The following SRPK2 variants were observed in gnomAD, a reference collection of about 807,000 sequenced individuals.
SRPK2 encodes SFRS protein kinase 2.
SRPK2 carries 21 observed loss-of-function variants against 90.8 expected under a neutral mutation model. The observed-to-expected ratio is 0.23, with a 90% CI of 0.16 to 0.33. The LOEUF is 0.33. Ranked by LOEUF, SRPK2 falls within the 10% of genes least tolerant of loss-of-function variation. SRPK2 has a pLI of 1.00. For missense variants in SRPK2, 620 were observed against 869.0 expected, an observed-to-expected ratio of 0.71 and a Z score of 3.60; for synonymous variants, 288 against 311.1, an observed-to-expected ratio of 0.93 and a Z score of 0.78.
chr7:105,177,144 C>T (rs769273600), intron 3 of SRPK2, among the ~76,000 whole-genome samples: 5 of 151,760 alleles, frequency 3.3e-5, no homozygotes, highest in Non-Finnish European at 7.4e-5. Context: ...AAAAAAAACA[C>T]ATAAAAAAGA....
intron 2 of SRPK2, among the ~76,000 whole-genome samples, chr7:105,260,362 T>A (rs1299876244): frequency 1.5e-4 from 23 of 152,174 alleles, no homozygotes; most frequent in Admixed American, 1.5e-3. Context: ...AGAATGGTGA[T>A]CATTAAAAAG....
intron 2 of SRPK2, among the ~76,000 whole-genome samples, chr7:105,387,786 T>C (rs367732914): frequency 6.6e-6 from 1 of 151,914 alleles, no homozygotes; most frequent in Non-Finnish European, 1.5e-5. Context: ...TCAAAAAAAT[T>C]AGGAGAGAGG....
intron 2 of SRPK2, among the ~76,000 whole-genome samples, chr7:105,327,251 A>C (rs1813702567): frequency 6.6e-6 from 1 of 152,154 alleles, no homozygotes; most frequent in Non-Finnish European, 1.5e-5. Context: ...GGAATATTTC[A>C]TGACACCTAA....
intron 2 of SRPK2, among the ~76,000 whole-genome samples, chr7:105,372,138 A>T (rs1233736224): frequency 6.6e-4 from 26 of 39,206 alleles, no homozygotes; most frequent in African/African-American, 1.8e-3. Context: ...CCAACTCATA[A>T]AAAAAAAAAA....
intron 3 of SRPK2, among the ~76,000 whole-genome samples, chr7:105,178,079 A>G (rs561000272): frequency 7.2e-5 from 11 of 152,202 alleles, no homozygotes; most frequent in Admixed American, 3.9e-4. Context: ...AAGATTTGAC[A>G]GTCACATTCC....
chr7:105,323,288 T>C (rs1813149975), intron 2 of SRPK2, among the ~76,000 whole-genome samples: 2 of 152,182 alleles, frequency 1.3e-5, no homozygotes, highest in African/African-American at 4.8e-5. Context: ...GAGAAAAGTA[T>C]ACACTAAAAC....
intron 2 of SRPK2, among the ~76,000 whole-genome samples, chr7:105,373,655 G>A (rs554820005): frequency 1.3e-4 from 20 of 152,028 alleles, no homozygotes; most frequent in Admixed American, 1.1e-3. Context: ...CGCTCGCTTC[G>A]GCCTCCCAAA....
intron 2 of SRPK2, among the ~76,000 whole-genome samples, chr7:105,217,536 C>T (rs186067118): frequency 2.6e-5 from 4 of 152,196 alleles, no homozygotes; most frequent in Non-Finnish European, 4.4e-5. Context: ...CCTGACAGAG[C>T]AGGACTAAAG....
intron 2 of SRPK2, among the ~76,000 whole-genome samples, chr7:105,208,510 G>A (rs1796473003): frequency 6.6e-6 from 1 of 152,162 alleles, no homozygotes; most frequent in African/African-American, 2.4e-5. Flanking sequence ...AAAACCTTAT[G>A]CTGGGTGACA....
At chr7:105,391,183 AATTTATTT>A (rs67760645), upstream of SRPK2, among the ~76,000 whole-genome samples, 698 of 148,404 alleles carry the variant, frequency 4.7e-3, 13 homozygotes, top group East Asian at 0.056. Flanking sequence ...ATGACTATAA[AATTTATTT>A]ATTTATTTAT....
chr7:105,338,566 G>A (rs1247199724), intron 2 of SRPK2, among the ~76,000 whole-genome samples: 1 of 152,154 alleles, frequency 6.6e-6, no homozygotes, highest in Non-Finnish European at 1.5e-5. Context: ...AGATTTTTAA[G>A]ATAATATGAA....
At chr7:105,231,418 T>C (rs888877065) in intron 2 of SRPK2, among the ~76,000 whole-genome samples, 1 of 152,188 alleles carries the variant, frequency 6.6e-6, no homozygotes, top group Non-Finnish European at 1.5e-5. Context: ...TATATTCCTC[T>C]AGGTACACAC....
intron 6 of SRPK2, among the ~76,000 whole-genome samples, chr7:105,165,315 A>C (rs539580691): frequency 1.3e-5 from 2 of 152,324 alleles, no homozygotes; most frequent in East Asian, 3.9e-4. Context: ...AAAGAAAGGA[A>C]AGTCAAGGGA....
In SRPK2 at chr7:105,168,092, C is replaced by T. The variant is rs56666353; in HGVS notation, c.342G>A (p.Gly114=). The part of the protein sequence containing the change: ...STVWLCWDMQ[G]KRFVAMKVVK... ...CAACTTTCATTGCAACAAATCTTTT[C>T]CCCCTAAAAGAAAAAACAAAAAAAG... Residue 114 remains glycine, a synonymous_variant, in exon 5 of 16, where the codon GGG becomes GGA. Coordinates refer to ENST00000393651, the MANE Select transcript of SRPK2 (RefSeq NM_182692.3). The T allele has an allele frequency of 2.9e-3, 4,671 of 1,609,058 alleles. 133 individuals carry two copies. The East Asian group carries it at 0.062, about 21-fold the overall frequency.
chr7:105,243,919 A>T (rs1363374789), intron 2 of SRPK2, among the ~76,000 whole-genome samples: 1 of 152,198 alleles, frequency 6.6e-6, no homozygotes, highest in Non-Finnish European at 1.5e-5. Flanking sequence ...AATAAAATGG[A>T]AGAGAAACAG....
chr7:105,389,966 A>G (rs949622683), upstream of SRPK2, among the ~76,000 whole-genome samples: 2 of 152,200 alleles, frequency 1.3e-5, no homozygotes, highest in African/African-American at 4.8e-5. Context: ...AACTTTTTAT[A>G]TTCAAAAAAA....
intron 2 of SRPK2, among the ~76,000 whole-genome samples, chr7:105,388,192 C>T (rs1164412643): frequency 6.6e-6 from 1 of 152,052 alleles, no homozygotes; most frequent in East Asian, 1.9e-4. Context: ...CTCCCGCACA[C>T]TCGGCCCCTC....
At chr7:105,181,407 C>T (rs1015030587) in intron 3 of SRPK2, among the ~76,000 whole-genome samples, 2 of 152,336 alleles carry the variant, frequency 1.3e-5, no homozygotes, top group South Asian at 4.1e-4. Context: ...TGTAAAGACA[C>T]ACGCACGCAC....
intron 3 of SRPK2, among the ~76,000 whole-genome samples, chr7:105,176,687 G>A (rs1285638800): frequency 6.1e-5 from 7 of 114,862 alleles, no homozygotes; most frequent in Non-Finnish European, 1.3e-4. Context: ...GCATGTGTGT[G>A]TGTACATATA....
Sources: allele counts gnomAD v4.1 joint callset (sites outside exome capture counted in the v4.1 genomes callset), GRCh38; gene constraint gnomAD v4.1.1; transcripts MANE v1.5; gene names NCBI Gene and HGNC (gene_info 2026-07-23, HGNC 2026-07-21).